SLC25A44: variants seen among roughly 807,000 people sequenced by gnomAD.
The protein encoded by SLC25A44 is solute carrier family 25, member 44.
Under a neutral mutation model 29.9 loss-of-function variants are expected in SLC25A44, and 17 were observed. That is an observed-to-expected ratio of 0.57 (90% CI 0.39 to 0.85). The LOEUF (loss-of-function observed/expected upper bound fraction) is 0.85, where lower values mean the gene tolerates loss of function less well. SLC25A44 is among the 40% of genes least tolerant of loss of function. The pLI, the probability that SLC25A44 is intolerant of heterozygous loss-of-function variation, is 0.00. For synonymous variants in SLC25A44, 140 were observed against 151.8 expected, an observed-to-expected ratio of 0.92 and a Z score of 0.57; for missense variants, 302 against 398.4, an observed-to-expected ratio of 0.76 and a Z score of 2.06.
At position 156,210,698 on chromosome 1, in the gene SLC25A44, C is replaced by A; in HGVS notation, c.*267C>A. 1 of 191,536 alleles carries A rather than the reference C, an allele frequency of 5.2e-6. No individual in the cohort carries two copies. Among genetic ancestry groups the A allele is most frequent in the Admixed American group, 9.5e-5 (1 of 10,486 alleles). The allele number at this position is 191,536 out of a possible 1,614,324, so 11.9% of individuals were successfully genotyped here. A position where few individuals can be genotyped will look rare whatever the true frequency, so the allele number is the denominator to read the frequency against. On this transcript the variant is annotated 3_prime_UTR_variant, in exon 4 of 4. Coordinates refer to ENST00000359511, the MANE Select transcript of SLC25A44 (RefSeq NM_014655.4). ...GTATTTGATACTGGCCTAAAGACCC[C>A]ACCCCCCACCCTGCCAGCCCTTCTT...
Position 156,210,259 on chromosome 1 carries a change from T to C in SLC25A44, c.773T>C (p.Ile258Thr), listed in dbSNP as rs750497071. ...TTCCAGGTTGAGGGCAAGAACTCCATCATCCTGACCTTCAGACAGCTGATG... is the reference window on the plus strand; with the variant it reads ...TTCCAGGTTGAGGGCAAGAACTCCACCATCCTGACCTTCAGACAGCTGATG... ...TRVQVEGKNSIILTFRQLMAE... is the reference protein window; with the variant it reads ...TRVQVEGKNSTILTFRQLMAE... Residue 258 changes from isoleucine to threonine, a missense_variant, in exon 4 of 4, where the codon ATC (isoleucine) becomes ACC (threonine). Ile to Thr is a moderately conservative substitution (Grantham distance 89). Transcript: ENST00000359511. 1 of 1,560,404 alleles carries C rather than the reference T, an allele frequency of 6.4e-7. No homozygotes were observed. The highest frequency in any genetic ancestry group is 1.2e-5 in the South Asian group (1 of 83,564).
chr1:156,204,010 C>CTT (rs1026823654), intron 2 of SLC25A44, among the ~76,000 whole-genome samples: 1,824 of 126,024 alleles, frequency 0.014, 15 homozygotes, highest in Middle Eastern at 0.055. Context: ...GGCCCTTCTT[C>CTT]TTTTTTTTTT....
intron 3 of SLC25A44, among the ~76,000 whole-genome samples, chr1:156,208,241 G>T (rs1466717737): frequency 6.6e-6 from 1 of 152,220 alleles, no homozygotes; most frequent in Non-Finnish European, 1.5e-5. Context: ...GGCCGAAGCG[G>T]GCAGATCACC....
At chr1:156,199,420 T>A (rs1656405973) in intron 1 of SLC25A44, 2 of 192,872 alleles carry the variant, frequency 1.0e-5, no homozygotes, top group Admixed American at 1.1e-4. Flanking sequence ...GGTTTGTCCA[T>A]AGCATCCTGA....
chr1:156,211,593 G>A lies in SLC25A44; in HGVS notation c.*1162G>A, dbSNP rs150088840. 0.012 allele frequency: 1,899 copies of A among 152,710 alleles called. 23 individuals are homozygous for A. The highest frequency in any genetic ancestry group is 0.02 in the Non-Finnish European group (1,395 of 68,058). 9.5% of individuals were successfully genotyped at this position (152,710 alleles called of 1,614,324 possible). A position where few individuals can be genotyped will look rare whatever the true frequency, so the allele number is the denominator to read the frequency against. Reference sequence around the variant, plus strand: ...TGGATGCGTAGTCATCCCAGTCATGGTACCCTGTGGAGGAATGCTGGAAGA... The same window carrying A: ...TGGATGCGTAGTCATCCCAGTCATGATACCCTGTGGAGGAATGCTGGAAGA... On this transcript the variant is annotated 3_prime_UTR_variant, in exon 4 of 4. Transcript: ENST00000359511.
intron 1 of SLC25A44, chr1:156,196,937 G>A (rs1374497417): frequency 1.3e-5 from 2 of 152,236 alleles, no homozygotes; most frequent in Non-Finnish European, 2.9e-5. Flanking sequence ...AGGCATGGTG[G>A]AGTAGAGGAG....
chr1:156,207,826 C>T (rs1453504473), intron 2 of SLC25A44, 60 bp from the exon 3 acceptor site: 43 of 1,595,068 alleles, frequency 2.7e-5, no homozygotes, highest in Non-Finnish European at 3.6e-5. Context: ...GCAGCAAGCA[C>T]AGTGAGGGCA....
chr1:156,199,871 G>T lies in SLC25A44; in HGVS notation c.24G>T (p.Gln8His), dbSNP rs907431788. Residue 8 changes from glutamine (Q) to histidine (H), a missense_variant, in exon 2 of 4, where the codon CAG (glutamine) becomes CAT (histidine). By Grantham distance (24) the Gln-to-His change is conservative. Coordinates refer to ENST00000359511, the MANE Select transcript of SLC25A44 (RefSeq NM_014655.4). MEDKRNI[Q>H]IIEWEHLDKK... is the part of the protein sequence containing the mutation. Reference sequence around the variant, plus strand: ...CCATGGAGGACAAACGCAACATCCAGATCATCGAGTGGGAACACCTGGACA... The same window carrying T: ...CCATGGAGGACAAACGCAACATCCATATCATCGAGTGGGAACACCTGGACA... 6 of 1,613,918 alleles carry T rather than the reference G, an allele frequency of 3.7e-6. No individual in the cohort carries two copies. Among genetic ancestry groups the T allele is most frequent in the Non-Finnish European group, 5.1e-6 (6 of 1,179,922 alleles).
rs1657414921 is a variant in SLC25A44, at chr1:156,212,686, C to G, written c.*2255C>G. 1 of 221,800 alleles carries G rather than the reference C, an allele frequency of 4.5e-6. No individual in the cohort carries two copies. The highest frequency in any genetic ancestry group is 5.2e-5 in the Admixed American group (1 of 19,220). 13.7% of individuals were successfully genotyped at this position (221,800 alleles called of 1,614,324 possible). On this transcript the variant is annotated 3_prime_UTR_variant, in exon 4 of 4. Coordinates refer to ENST00000359511, the MANE Select transcript of SLC25A44 (RefSeq NM_014655.4). ...AGGAACAAGGGAATGAAAAGGCAGACTCTCTGAACGTTTGATGAAATGGAC... is the reference window on the plus strand; with the variant it reads ...AGGAACAAGGGAATGAAAAGGCAGAGTCTCTGAACGTTTGATGAAATGGAC...
At chr1:156,205,880 A>G (rs1335694318) in intron 2 of SLC25A44, among the ~76,000 whole-genome samples, 1 of 152,222 alleles carries the variant, frequency 6.6e-6, no homozygotes, top group African/African-American at 2.4e-5. Context: ...TAGTCACTCA[A>G]TAAATCTTTG....
chr1:156,203,092 C>T (rs1221114530), intron 2 of SLC25A44, among the ~76,000 whole-genome samples: 2 of 152,184 alleles, frequency 1.3e-5, no homozygotes, highest in African/African-American at 4.8e-5. Flanking sequence ...TGCTCTGACT[C>T]CTGTCTGCTT....
chr1:156,207,377 C>T (rs1329422567), intron 2 of SLC25A44, among the ~76,000 whole-genome samples: 2 of 152,148 alleles, frequency 1.3e-5, no homozygotes, highest in African/African-American at 2.4e-5. Context: ...GACGGGGTTT[C>T]ACCATGTTAG....
In SLC25A44 at chr1:156,209,790, T is replaced by A. The variant is rs185408446; in HGVS notation, c.754-450T>A. Among the ~76,000 whole-genome samples the A allele has an allele frequency of 1.8e-3, 272 of 152,234 alleles. 1 individual carries two copies. Among genetic ancestry groups the A allele is most frequent in the Middle Eastern group, 3.4e-3 (1 of 294 alleles). On this transcript the variant is annotated intron_variant, in intron 3 of 3. Coordinates refer to ENST00000359511, the MANE Select transcript of SLC25A44 (RefSeq NM_014655.4). ...GTCTTAGAGAGGATTTAACCCAGCC[T>A]CCCTGAGACCAGAGAGCAGCATCTA...
rs1276749976 is a variant in SLC25A44 at position 156,210,699 on chromosome 1, AC to A, written c.*274del. 3 of 129,370 alleles carry A rather than the reference AC, an allele frequency of 2.3e-5. No individual in the cohort carries two copies. Among genetic ancestry groups the A allele is most frequent in the East Asian group, 1.4e-4 (1 of 7,148 alleles). 8.0% of individuals were successfully genotyped at this position (129,370 alleles called of 1,614,324 possible). On this transcript the variant is annotated 3_prime_UTR_variant, in exon 4 of 4. Transcript: ENST00000359511. ...TATTTGATACTGGCCTAAAGACCCCACCCCCCACCCTGCCAGCCCTTCTTCT... is the reference window on the plus strand; with the variant it reads ...TATTTGATACTGGCCTAAAGACCCCACCCCCACCCTGCCAGCCCTTCTTCT...
intron 2 of SLC25A44, among the ~76,000 whole-genome samples, chr1:156,204,003 CCTT>C (rs201598132): frequency 2.0e-3 from 308 of 150,610 alleles, no homozygotes; most frequent in African/African-American, 6.6e-3. Context: ...CGCGCCTGGC[CCTT>C]CTTCTTTTTT....
chr1:156,200,798 TAGTG>T (rs940162815), intron 2 of SLC25A44, among the ~76,000 whole-genome samples: 1 of 151,118 alleles, frequency 6.6e-6, no homozygotes, highest in Non-Finnish European at 1.5e-5. Flanking sequence ...GGATGGGTAA[TAGTG>T]AGCTTTTGAC....
intron 2 of SLC25A44, among the ~76,000 whole-genome samples, chr1:156,203,914 C>A (rs1385130201): frequency 6.6e-6 from 1 of 151,084 alleles, no homozygotes; most frequent in Non-Finnish European, 1.5e-5. Context: ...CCGTGTTAAC[C>A]AAGATGGTCT....
chr1:156,208,448 CAG>C (rs1657094913), intron 3 of SLC25A44, among the ~76,000 whole-genome samples: 1 of 152,124 alleles, frequency 6.6e-6, no homozygotes, highest in African/African-American at 2.4e-5. Flanking sequence ...GCCTGGGTGA[CAG>C]AGTGAGACTT....
In SLC25A44 at chr1:156,194,227, G is replaced by A. The variant is rs1402280252; in HGVS notation, c.-34G>A. 2.0e-5 allele frequency: 3 copies of A among 152,828 alleles called. No homozygotes were observed. The highest frequency in any genetic ancestry group is 7.2e-5 in the African/African-American group (3 of 41,468). 9.5% of individuals were successfully genotyped at this position (152,828 alleles called of 1,614,324 possible). A position where few individuals can be genotyped will look rare whatever the true frequency, so the allele number is the denominator to read the frequency against. On this transcript the variant is annotated 5_prime_UTR_variant, in exon 1 of 4. Coordinates refer to ENST00000359511, the MANE Select transcript of SLC25A44 (RefSeq NM_014655.4). ...CTTGGAGTTCGCCTCAGACGCGGTG[G>A]AGCCGCCGGAGTCTGAGAAGGTAAG...
Sources: allele counts gnomAD v4.1 joint callset (sites outside exome capture counted in the v4.1 genomes callset), GRCh38; gene constraint gnomAD v4.1.1; transcripts MANE v1.5; gene names NCBI Gene and HGNC (gene_info 2026-07-23, HGNC 2026-07-21).